ROS1: variants seen among roughly 807,000 people sequenced by gnomAD.
ROS1 encodes the protein proto-oncogene tyrosine-protein kinase ROS.
In ROS1, 263 loss-of-function variants were observed where a neutral mutation model predicts 273.5. The ratio of observed to expected loss-of-function variants is 0.96; its 90% CI spans 0.87 to 1.06. The LOEUF is 1.06. Among genes scored for constraint, ROS1 ranks in the 50% least tolerant of loss-of-function variants. The probability of loss-of-function intolerance (pLI) is 0.00; values close to 1 mark genes in which losing one functional copy is unlikely to be tolerated. For synonymous variants in ROS1, 1,008 were observed against 954.1 expected (o/e 1.06, Z -1.04); for missense variants, 2,833 against 2,751.1 (o/e 1.03, Z -0.67).
Position 117,366,393 on chromosome 6 carries a change from T to C in ROS1, c.2583-103A>G, listed in dbSNP as rs143779667. The C allele has an allele frequency of 1.2e-3, 877 of 719,326 alleles. 5 individuals carry two copies. The African/African-American group carries it at 0.014, about 12-fold the overall frequency. The allele number at this position is 719,326 out of a possible 1,614,324, so 44.6% of individuals were successfully genotyped here. A position where few individuals can be genotyped will look rare whatever the true frequency, so the allele number is the denominator to read the frequency against. ...ATATGTTTGTGAGTATCTGTACGCA[T>C]TTGTGTACATTAAAATAAAGAAAAT... On this transcript the variant is annotated intron_variant, in intron 18 of 43. Coordinates refer to ENST00000368507, the MANE Select transcript of ROS1 (RefSeq NM_001378902.1).
At chr6:117,418,311 T>C in intron 2 of ROS1, 151 bp downstream of exon 2, 1 of 626,676 alleles carries the variant, frequency 1.6e-6, no homozygotes, top group Non-Finnish European at 2.7e-6. Context: ...TTATATAAAT[T>C]CAGACTTCTC....
chr6:117,333,145 C>CA (rs974823123), intron 32 of ROS1, among the ~76,000 whole-genome samples: 4 of 150,746 alleles, frequency 2.7e-5, no homozygotes, highest in African/African-American at 4.9e-5. Context: ...CAAATAGACA[C>CA]AAAAAAAATG....
intron 18 of ROS1, among the ~76,000 whole-genome samples, chr6:117,376,719 T>A (rs951651241): frequency 3.3e-5 from 5 of 152,080 alleles, no homozygotes; most frequent in Non-Finnish European, 7.4e-5. Flanking sequence ...ATGTTAGACA[T>A]CTACACTAAA....
rs1329892163 is a variant in ROS1 at position 117,404,442 on chromosome 6, A to T, written c.317-14T>A. On this transcript the variant is annotated splice_polypyrimidine_tract_variant and intron_variant, in intron 5 of 43. Transcript: ENST00000368507. ...GGTCTGCATTTTCTGGGGAAAAAAC[A>T]AGATTTCACTCACCACGCACTCCTG... 3 of 1,611,996 alleles carry T rather than the reference A, an allele frequency of 1.9e-6. No homozygotes were observed. The highest frequency in any genetic ancestry group is 2.5e-6 in the Non-Finnish European group (3 of 1,178,914).
chr6:117,393,956 T>G (rs2128712219), intron 11 of ROS1, among the ~76,000 whole-genome samples: 1 of 152,292 alleles, frequency 6.6e-6, no homozygotes, highest in East Asian at 1.9e-4. Flanking sequence ...TAAAGGTGAT[T>G]TAATGCTATG....
intron 11 of ROS1, among the ~76,000 whole-genome samples, 147 bp downstream of exon 11, chr6:117,394,005 GGCCAGATCTA>G (rs1773285894): frequency 6.6e-6 from 1 of 152,082 alleles, no homozygotes; most frequent in Non-Finnish European, 1.5e-5. Flanking sequence ...CCCTCCTATA[GGCCAGATCTA>G]TGATTCATTG....
intron 1 of ROS1, 34 bp from the exon 2 acceptor site, chr6:117,418,540 A>G (rs1320541713): frequency 6.4e-7 from 1 of 1,556,674 alleles, no homozygotes. Context: ...AACACCAGCC[A>G]TCAGTACTGG....
At chr6:117,385,627 C>T (rs1381040120) in intron 16 of ROS1, 56 bp downstream of exon 16, 1 of 1,479,208 alleles carries the variant, frequency 6.8e-7, no homozygotes, top group Non-Finnish European at 9.2e-7. Flanking sequence ...GTGTGCAAGT[C>T]ACTGAAGTGG....
rs1781377237 is a variant in ROS1 at position 117,376,933 on chromosome 6, C to T, written c.2582+2126G>A. ...TGGAAAGGCAAAAGATCAAGTATAG[C>T]CAAAATAAAAATATTGGAAAAGCAA... On this transcript the variant is annotated intron_variant, in intron 18 of 43. Coordinates refer to ENST00000368507, the MANE Select transcript of ROS1 (RefSeq NM_001378902.1). 3.3e-5 allele frequency among the ~76,000 whole-genome samples: 5 copies of T among 152,036 alleles called. No homozygotes were observed. The South Asian group carries it at 1.0e-3, about 32-fold the overall frequency.
chr6:117,401,442 AC>A (rs1468052004), intron 7 of ROS1, among the ~76,000 whole-genome samples: 1 of 152,082 alleles, frequency 6.6e-6, no homozygotes, highest in Non-Finnish European at 1.5e-5. Flanking sequence ...CGCACTTCCT[AC>A]TTTAAAATCT....
chr6:117,319,240 A>ATTT (rs1160228494), intron 37 of ROS1, among the ~76,000 whole-genome samples: 2 of 152,172 alleles, frequency 1.3e-5, no homozygotes, highest in African/African-American at 4.8e-5. Context: ...ATAATCATGT[A>ATTT]GTCAGAGACT....
intron 5 of ROS1, among the ~76,000 whole-genome samples, chr6:117,407,119 T>C (rs1774477259): frequency 6.6e-6 from 1 of 152,236 alleles, no homozygotes; most frequent in African/African-American, 2.4e-5. Context: ...GTCTAGGGTG[T>C]CTTTTGTGGG....
In ROS1 at chr6:117,304,399, C is replaced by T. The variant is rs1376844218; in HGVS notation, c.6552-3262G>A. 3.9e-5 allele frequency among the ~76,000 whole-genome samples: 6 copies of T among 152,110 alleles called. No individual in the cohort carries two copies. The East Asian group carries it at 1.2e-3, about 29-fold the overall frequency. Reference sequence around the variant, plus strand: ...TATTTTTGAAAATAAAGCTGTGATTCAAAAATATTGCCAAGGCATAGAGAG... The same window carrying T: ...TATTTTTGAAAATAAAGCTGTGATTTAAAAATATTGCCAAGGCATAGAGAG... On this transcript the variant is annotated intron_variant, in intron 42 of 43. Transcript: ENST00000368507.
At chr6:117,369,471 G>A (rs952683021) in intron 18 of ROS1, among the ~76,000 whole-genome samples, 6 of 152,070 alleles carry the variant, frequency 3.9e-5, no homozygotes, top group South Asian at 4.1e-4. Context: ...CTACTCAGGA[G>A]GCTGAGGCAG....
At chr6:117,401,798 T>C (rs1370790592) in intron 7 of ROS1, among the ~76,000 whole-genome samples, 1 of 101,254 alleles carries the variant, frequency 9.9e-6, no homozygotes, top group Non-Finnish European at 2.0e-5. Flanking sequence ...TAACAAACTT[T>C]TCAGTAAAAA....
At chr6:117,292,577 CACTCT>C (rs1033062898) in intron 43 of ROS1, among the ~76,000 whole-genome samples, 40 of 152,272 alleles carry the variant, frequency 2.6e-4, no homozygotes, top group African/African-American at 9.4e-4. Flanking sequence ...TTATTTCATA[CACTCT>C]ACTTTAATGA....
intron 38 of ROS1, among the ~76,000 whole-genome samples, 196 bp from the exon 39 acceptor site, chr6:117,317,468 T>C (rs1310914962): frequency 6.6e-6 from 1 of 152,144 alleles, no homozygotes; most frequent in African/African-American, 2.4e-5. Context: ...CTAGTGGCCA[T>C]GAGTATGGAT....
chr6:117,324,277 A>G (rs2128574642), intron 35 of ROS1, 55 bp downstream of exon 35: 1 of 798,168 alleles, frequency 1.3e-6, no homozygotes, highest in South Asian at 1.5e-5. Flanking sequence ...TAAATCAATC[A>G]GGTATGATTA....
Position 117,383,444 on chromosome 6 carries a change from T to C in ROS1, c.2354A>G (p.Asn785Ser), listed in dbSNP as rs34582164. The C allele has an allele frequency of 1.6e-3, 2,536 of 1,614,108 alleles. 36 individuals are homozygous for C. In the African/African-American group the frequency reaches 0.029, roughly 19 times the overall value. ...ACCAACTGAATCCACCACCATGTCATTCACCAATAGCTTCACGTGGGTAAC... is the reference window on the plus strand; with the variant it reads ...ACCAACTGAATCCACCACCATGTCACTCACCAATAGCTTCACGTGGGTAAC... ...DIVTHVKLLV[N>S]DMVVDSVGGY... The change falls in exon 17 of 44, where the codon AAT (asparagine) becomes AGT (serine). Residue 785 changes from asparagine to serine, a missense_variant. Asn to Ser is a conservative substitution (Grantham distance 46). Transcript: ENST00000368507.
Sources: gnomAD v4.1 joint callset for allele counts (sites outside exome capture counted in the v4.1 genomes callset) on GRCh38, gnomAD v4.1.1 for gene constraint, MANE v1.5 for transcripts, NCBI Gene and HGNC (gene_info 2026-07-23, HGNC 2026-07-21) for gene names.